Variants in CPPED1 observed in about 807,000 individuals in gnomAD.
The protein encoded by CPPED1 is calcineurin like phosphoesterase domain containing 1.
Under a neutral mutation model 28.0 loss-of-function variants are expected in CPPED1, and 28 were observed. The observed-to-expected ratio is 1.00, with a 90% CI of 0.74 to 1.37. The LOEUF (loss-of-function observed/expected upper bound fraction) is 1.37. Among genes scored for constraint, CPPED1 ranks in the 40% most tolerant of loss-of-function variants. The pLI is 0.00. For missense variants in CPPED1, 504 were observed against 416.5 expected, an observed-to-expected ratio of 1.21 and a Z score of -1.83; for synonymous variants, 198 against 180.2, an observed-to-expected ratio of 1.10 and a Z score of -0.79.
intron 1 of CPPED1, among the ~76,000 whole-genome samples, chr16:12,797,222 G>A (rs1596489415): frequency 1.3e-5 from 2 of 152,244 alleles, no homozygotes; most frequent in East Asian, 1.9e-4. Context: ...TAAAATGCAT[G>A]TTATGGTACA....
At chr16:12,779,359 C>T (rs1280357093) in intron 2 of CPPED1, among the ~76,000 whole-genome samples, 2 of 151,780 alleles carry the variant, frequency 1.3e-5, no homozygotes, top group Admixed American at 1.3e-4. Context: ...GCTGGGACTA[C>T]AGGCATGCAC....
At chr16:12,694,931 C>T (rs1388989713) in intron 3 of CPPED1, among the ~76,000 whole-genome samples, 2 of 152,128 alleles carry the variant, frequency 1.3e-5, no homozygotes, top group African/African-American at 2.4e-5. Context: ...GTGTGCGCCA[C>T]CACACCCTGC....
chr16:12,784,374 T>C (rs2080550410), intron 1 of CPPED1, among the ~76,000 whole-genome samples: 2 of 152,162 alleles, frequency 1.3e-5, no homozygotes, highest in South Asian at 4.1e-4. Flanking sequence ...GCAGATGAAC[T>C]CAACTAAGCT....
At chr16:12,676,953 C>G (rs2079880802) in intron 3 of CPPED1, among the ~76,000 whole-genome samples, 1 of 152,140 alleles carries the variant, frequency 6.6e-6, no homozygotes, top group Non-Finnish European at 1.5e-5. Context: ...AGTGTTGAAG[C>G]AGGATCTGAA....
intron 3 of CPPED1, among the ~76,000 whole-genome samples, chr16:12,700,581 A>G (rs1283707270): frequency 6.6e-6 from 1 of 152,198 alleles, no homozygotes; most frequent in African/African-American, 2.4e-5. Flanking sequence ...CAGTAGAGAC[A>G]GGGTTTCGCC....
intron 2 of CPPED1, among the ~76,000 whole-genome samples, chr16:12,776,147 C>T (rs2865881): frequency 0.23 from 34,665 of 151,952 alleles, 4,298 homozygotes; most frequent in East Asian, 0.29. Context: ...ATCAGAGTAA[C>T]AGAATATGAG....
At chr16:12,725,482 T>C (rs1442444841) in intron 2 of CPPED1, among the ~76,000 whole-genome samples, 1 of 151,848 alleles carries the variant, frequency 6.6e-6, no homozygotes, top group Admixed American at 6.5e-5. Context: ...CACACTACTT[T>C]GGATTCACGC....
chr16:12,731,624 G>A (rs932581487), intron 2 of CPPED1, among the ~76,000 whole-genome samples: 14 of 151,680 alleles, frequency 9.2e-5, no homozygotes, highest in African/African-American at 2.4e-4. Context: ...CCGATAATAC[G>A]GAAATGGGGA....
chr16:12,701,578 A>C (rs1567280249), intron 3 of CPPED1, among the ~76,000 whole-genome samples: 1 of 152,106 alleles, frequency 6.6e-6, no homozygotes, highest in East Asian at 1.9e-4. Context: ...GGTGAACCAG[A>C]AGAGGCTGGA....
chr16:12,706,590 A>C (rs2080052364), intron 2 of CPPED1, among the ~76,000 whole-genome samples: 2 of 143,178 alleles, frequency 1.4e-5, no homozygotes, highest in East Asian at 2.1e-4. Context: ...AAAGATTTTG[A>C]CTCCATGGTT....
At chr16:12,790,133 G>A (rs1030874651) in intron 1 of CPPED1, among the ~76,000 whole-genome samples, 3 of 152,166 alleles carry the variant, frequency 2.0e-5, no homozygotes, top group African/African-American at 2.4e-5. Flanking sequence ...AAGAATTCAC[G>A]CAATGCTTTA....
chr16:12,800,231 G>T (rs2080651015), intron 1 of CPPED1, among the ~76,000 whole-genome samples: 1 of 152,154 alleles, frequency 6.6e-6, no homozygotes, highest in South Asian at 2.1e-4. Context: ...CTGAGGTCAG[G>T]AGTCCCAGAC....
intron 2 of CPPED1, among the ~76,000 whole-genome samples, chr16:12,727,237 G>A (rs2080174858): frequency 6.6e-6 from 1 of 152,146 alleles, no homozygotes; most frequent in Non-Finnish European, 1.5e-5. Context: ...CTGGCTGGTG[G>A]CAACAGGCAT....
At chr16:12,669,442 C>A (rs569536661) in intron 3 of CPPED1, among the ~76,000 whole-genome samples, 73 of 152,098 alleles carry the variant, frequency 4.8e-4, no homozygotes, top group African/African-American at 1.4e-3. Flanking sequence ...ATTAAAACGA[C>A]TAAATTTGAT....
At chr16:12,733,949 A>G (rs1184028827) in intron 2 of CPPED1, among the ~76,000 whole-genome samples, 3 of 152,066 alleles carry the variant, frequency 2.0e-5, no homozygotes, top group South Asian at 2.1e-4. Context: ...TTTGCTTCCT[A>G]TAAAACAGCA....
intron 3 of CPPED1, among the ~76,000 whole-genome samples, chr16:12,669,963 G>A (rs1250611303): frequency 6.6e-6 from 1 of 152,164 alleles, no homozygotes. Context: ...AATCTGAGTA[G>A]TGAAATAAAC....
intron 3 of CPPED1, among the ~76,000 whole-genome samples, chr16:12,683,992 G>C (rs985852227): frequency 9.2e-5 from 14 of 152,186 alleles, no homozygotes; most frequent in Admixed American, 5.9e-4. Flanking sequence ...CCGGGCACTG[G>C]GTCCAAGTTC....
chr16:12,664,617 G>C lies in CPPED1; in HGVS notation c.*269C>G. The stretch of plus-strand genomic sequence containing the variant: ...GTGGAGTTGAGAAACACAGCATTAG[G>C]AGAATTTATTCAAACATCCATGCAG... On this transcript the variant is annotated 3_prime_UTR_variant, in exon 4 of 4. Transcript: ENST00000381774. This position sits in a 1 kb window ranked among gnomAD's most constrained non-coding sequence, Gnocchi z 4.2. The C allele has an allele frequency of 8.0e-7, 1 of 1,253,878 alleles. No individual in the cohort carries two copies. The allele number at this position is 1,253,878 out of a possible 1,614,324, so 77.7% of individuals were successfully genotyped here. A position where few individuals can be genotyped will look rare whatever the true frequency, so the allele number is the denominator to read the frequency against.
intron 2 of CPPED1, among the ~76,000 whole-genome samples, chr16:12,758,314 G>A (rs986472348): frequency 2.0e-5 from 3 of 152,198 alleles, no homozygotes; most frequent in African/African-American, 7.2e-5. Flanking sequence ...CCAGGAGCAT[G>A]CCTGTGGACA....
Sources: gnomAD v4.1 joint callset for allele counts (sites outside exome capture counted in the v4.1 genomes callset) on GRCh38, gnomAD v4.1.1 for gene constraint, Gnocchi (gnomAD v3.1) non-coding constraint, MANE v1.5 for transcripts, NCBI Gene and HGNC (gene_info 2026-07-23, HGNC 2026-07-21) for gene names.